The following SHISA9 variants were observed in gnomAD, a reference collection of about 807,000 sequenced individuals.
The protein encoded by SHISA9 is shisa family member 9, also known as protein shisa-9.
In SHISA9, 13 loss-of-function variants were observed where a neutral mutation model predicts 38.0. That is an observed-to-expected ratio of 0.34 (90% CI 0.22 to 0.54). The LOEUF is 0.54. Ranked by LOEUF, SHISA9 falls within the 20% of genes least tolerant of loss-of-function variation. The probability of loss-of-function intolerance (pLI) is 0.91; values close to 1 mark genes in which losing one functional copy is unlikely to be tolerated. For synonymous variants in SHISA9, 275 were observed against 242.0 expected (o/e 1.14, Z -1.27); for missense variants, 538 against 575.8 (o/e 0.93, Z 0.67).
At chr16:13,518,166 C>T in the SHISA9 span, among the ~76,000 whole-genome samples, 1 of 152,106 alleles carries the variant, frequency 6.6e-6, no homozygotes, top group South Asian at 2.1e-4. Flanking sequence ...GGGAGCTGCC[C>T]TGCAACACAC....
intron 1 of SHISA9, chr16:12,911,501 A>C: frequency 1.8e-6 from 1 of 544,790 alleles, no homozygotes; most frequent in Non-Finnish European, 2.3e-6. Context: ...CAGAAATTTC[A>C]AACCAAGCTT....
chr16:12,938,076 C>G (rs1365878353), intron 2 of SHISA9, among the ~76,000 whole-genome samples: 1 of 152,166 alleles, frequency 6.6e-6, no homozygotes, highest in Non-Finnish European at 1.5e-5. Flanking sequence ...TGTTGCTGGA[C>G]TTGTAGAATG....
At chr16:13,440,020 A>T in the SHISA9 span, among the ~76,000 whole-genome samples, 1 of 152,204 alleles carries the variant, frequency 6.6e-6, no homozygotes, top group Non-Finnish European at 1.5e-5. Flanking sequence ...CCTCAAGAGG[A>T]CGTGCGTTCT....
the SHISA9 span, among the ~76,000 whole-genome samples, chr16:13,315,567 T>C: frequency 2.0e-5 from 3 of 152,320 alleles, no homozygotes; most frequent in African/African-American, 7.2e-5. Flanking sequence ...CAGACTTCCA[T>C]TGTCTAGCTG....
At chr16:13,019,814 TTC>T (rs1318147675) in intron 2 of SHISA9, among the ~76,000 whole-genome samples, 84 of 142,792 alleles carry the variant, frequency 5.9e-4, no homozygotes, top group African/African-American at 1.8e-3. Flanking sequence ...CTTTCTTTCT[TTC>T]TTTCTTTCTT....
At chr16:13,015,207 T>C (rs981847114) in intron 2 of SHISA9, among the ~76,000 whole-genome samples, 7 of 152,262 alleles carry the variant, frequency 4.6e-5, no homozygotes, top group African/African-American at 1.7e-4. Flanking sequence ...TTATGTATTG[T>C]CTGTGGCACC....
chr16:13,260,395 C>G, the SHISA9 span, among the ~76,000 whole-genome samples: 1 of 152,064 alleles, frequency 6.6e-6, no homozygotes, highest in Non-Finnish European at 1.5e-5. Flanking sequence ...AAGCTGAATG[C>G]CTTTAACAGT....
At chr16:12,944,591 G>T (rs1157093402) in intron 2 of SHISA9, among the ~76,000 whole-genome samples, 2 of 152,188 alleles carry the variant, frequency 1.3e-5, no homozygotes, top group Non-Finnish European at 2.9e-5. Context: ...TTGGCAGCAG[G>T]CATAGAGGTT....
the SHISA9 span, chr16:13,246,262 A>G: frequency 6.6e-6 from 1 of 152,256 alleles, no homozygotes; most frequent in Admixed American, 6.5e-5. Context: ...AATAAGTCTC[A>G]CAAGATCTGA....
intron 2 of SHISA9, among the ~76,000 whole-genome samples, chr16:12,977,188 T>C (rs562761263): frequency 6.6e-6 from 1 of 152,104 alleles, no homozygotes; most frequent in Non-Finnish European, 1.5e-5. Flanking sequence ...GGAGGCTCGG[T>C]TGGGCTGGGT....
the SHISA9 span, among the ~76,000 whole-genome samples, chr16:13,268,618 T>C: frequency 7.2e-5 from 11 of 152,154 alleles, no homozygotes; most frequent in African/African-American, 2.4e-4. Flanking sequence ...ATTACACTTC[T>C]CCGTAGTGTT....
At chr16:13,465,839 C>CT in the SHISA9 span, among the ~76,000 whole-genome samples, 1 of 152,240 alleles carries the variant, frequency 6.6e-6, no homozygotes, top group Admixed American at 6.5e-5. Flanking sequence ...ATGTGGCCCA[C>CT]TGCCTGTTTT....
At chr16:13,073,644 G>A (rs2073545299) in intron 2 of SHISA9, among the ~76,000 whole-genome samples, 1 of 152,128 alleles carries the variant, frequency 6.6e-6, no homozygotes, top group South Asian at 2.1e-4. Flanking sequence ...ACCTTATTTG[G>A]ACAAAGAGAT....
chr16:13,491,818 CTTTTTTTTTTTTTTTTTT>C, the SHISA9 span, among the ~76,000 whole-genome samples: 104 of 44,548 alleles, frequency 2.3e-3, 2 homozygotes, highest in Non-Finnish European at 2.7e-3. Context: ...ATTTATTGAC[CTTTTTTTTTTTTTTTTTT>C]TTTTTTTTTT....
chr16:13,152,096 A>T (rs988119005), intron 2 of SHISA9, among the ~76,000 whole-genome samples: 3 of 152,192 alleles, frequency 2.0e-5, no homozygotes, highest in Admixed American at 6.5e-5. Flanking sequence ...GCATATTATC[A>T]TACTGCTTTT....
intron 2 of SHISA9, among the ~76,000 whole-genome samples, chr16:13,179,837 C>T (rs1480802134): frequency 6.6e-6 from 1 of 152,242 alleles, no homozygotes; most frequent in Admixed American, 6.5e-5. Flanking sequence ...ATTCCCTCTA[C>T]TGCGTCTTCC....
the SHISA9 span, among the ~76,000 whole-genome samples, chr16:13,316,272 A>C: frequency 5.9e-5 from 9 of 152,172 alleles, no homozygotes; most frequent in African/African-American, 2.2e-4. Context: ...GTTTCCTGCA[A>C]CCACAGAGAA....
chr16:13,296,293 G>T, the SHISA9 span, among the ~76,000 whole-genome samples: 1 of 151,572 alleles, frequency 6.6e-6, no homozygotes, highest in Non-Finnish European at 1.5e-5. Context: ...TCTGAAGGTG[G>T]GAAAATAAGT....
intron 2 of SHISA9, among the ~76,000 whole-genome samples, chr16:12,987,296 G>A (rs962139994): frequency 6.6e-6 from 1 of 152,160 alleles, no homozygotes; most frequent in African/African-American, 2.4e-5. Context: ...ATTAGTAATT[G>A]CCATTCTGAC....
Sources: gnomAD v4.1 joint callset for allele counts (sites outside exome capture counted in the v4.1 genomes callset) on GRCh38, gnomAD v4.1.1 for gene constraint, MANE v1.5 for transcripts, NCBI Gene and HGNC (gene_info 2026-07-23, HGNC 2026-07-21) for gene names.